ZNF385B: variants seen among roughly 807,000 people sequenced by gnomAD.
The protein encoded by ZNF385B is zinc finger protein 385B.
A neutral mutation model predicts 39.2 loss-of-function variants in ZNF385B; 23 were observed. The ratio of observed to expected loss-of-function variants is 0.59; its 90% CI spans 0.42 to 0.83. The LOEUF (loss-of-function observed/expected upper bound fraction) is 0.83. Among genes scored for constraint, ZNF385B ranks in the 40% least tolerant of loss-of-function variants. The pLI is 0.00. For missense variants in ZNF385B, 552 were observed against 598.9 expected (o/e 0.92, Z 0.82); for synonymous variants, 205 against 222.6 (o/e 0.92, Z 0.70).
At position 179,483,425 on chromosome 2, in the gene ZNF385B, C is replaced by T. The variant is rs747535047; in HGVS notation, c.562G>A (p.Glu188Lys). Residue 188 changes from glutamate (E) to lysine (K), a missense_variant, in exon 6 of 10, where the codon GAG (glutamate) becomes AAG (lysine). Physicochemically the swap from Glu to Lys is moderately conservative, Grantham distance 56. Transcript: ENST00000410066. ...TGTTTACTTCCTTTGTAGTGGGCCT[C>T]GGCCTGGCTCTACAAAGGAGAACAA... is the stretch of plus-strand genomic sequence containing the variant. ...QLRFNSDSQA[E>K]AHYKGSKHAK... is the part of the protein sequence containing the mutation. 1.1e-5 allele frequency: 17 copies of T among 1,613,882 alleles called. No homozygotes were observed. Among genetic ancestry groups the T allele is most frequent in the Admixed American group, 3.3e-5 (2 of 60,002 alleles).
chr2:179,448,188 T>C (rs996147821), intron 6 of ZNF385B, among the ~76,000 whole-genome samples: 1 of 152,120 alleles, frequency 6.6e-6, no homozygotes, highest in Non-Finnish European at 1.5e-5. Flanking sequence ...CTTAGACTTT[T>C]ATTAAACTGA....
intron 3 of ZNF385B, among the ~76,000 whole-genome samples, chr2:179,683,529 G>A (rs2106329309): frequency 6.6e-6 from 1 of 151,152 alleles, no homozygotes; most frequent in South Asian, 2.1e-4. Context: ...AGGCTGGAGT[G>A]CAATGGCGCA....
At chr2:179,702,637 A>G (rs1699295024) in intron 3 of ZNF385B, among the ~76,000 whole-genome samples, 1 of 152,244 alleles carries the variant, frequency 6.6e-6, no homozygotes, top group African/African-American at 2.4e-5. Context: ...CCTGTAAGAT[A>G]CACATAGCCA....
rs531411053 is a variant in ZNF385B at position 179,669,080 on chromosome 2, T to A, written c.298+100423A>T. Among the ~76,000 whole-genome samples, 13 of 152,344 alleles carry A rather than the reference T, an allele frequency of 8.5e-5. 2 individuals are homozygous for A. Among genetic ancestry groups the A allele is most frequent in the African/African-American group, 2.2e-4 (9 of 41,578 alleles). On this transcript the variant is annotated intron_variant, in intron 3 of 9. Coordinates refer to ENST00000410066, the MANE Select transcript of ZNF385B (RefSeq NM_152520.6). ...GCATATTTATATTTAGTTGTACTAC[T>A]GTCAAAAAATACTTGAGTGTCAGAA...
At chr2:179,490,316 A>ACAC (rs2055074758) in intron 5 of ZNF385B, among the ~76,000 whole-genome samples, 4 of 149,986 alleles carry the variant, frequency 2.7e-5, no homozygotes, top group African/African-American at 9.8e-5. Context: ...TACACACACA[A>ACAC]ACACACACAC....
intron 3 of ZNF385B, among the ~76,000 whole-genome samples, chr2:179,712,611 G>C (rs1700075992): frequency 6.6e-6 from 1 of 152,122 alleles, no homozygotes. Flanking sequence ...ATTGCTCAGA[G>C]TGAAATCTCA....
At chr2:179,646,449 C>A (rs1312946963) in intron 3 of ZNF385B, among the ~76,000 whole-genome samples, 3 of 152,164 alleles carry the variant, frequency 2.0e-5, no homozygotes, top group Non-Finnish European at 4.4e-5. Context: ...AAACCCTGAA[C>A]CTGATGTCAT....
intron 3 of ZNF385B, among the ~76,000 whole-genome samples, chr2:179,658,237 G>A (rs1694024743): frequency 6.6e-6 from 1 of 152,150 alleles, no homozygotes; most frequent in Admixed American, 6.5e-5. Flanking sequence ...CACAAGCGTA[G>A]GTGCTCTTTC....
At chr2:179,802,531 C>T (rs745452159) in intron 1 of ZNF385B, 5 of 152,116 alleles carry the variant, frequency 3.3e-5, no homozygotes, top group Non-Finnish European at 5.9e-5. Flanking sequence ...ATGAAACCAA[C>T]CTTAAAACAG....
chr2:179,772,467 C>T (rs1427877313), intron 1 of ZNF385B, among the ~76,000 whole-genome samples: 1 of 152,152 alleles, frequency 6.6e-6, no homozygotes, highest in East Asian at 1.9e-4. Flanking sequence ...TTCCCTCTTT[C>T]TCAGGGGAAA....
intron 3 of ZNF385B, among the ~76,000 whole-genome samples, chr2:179,665,746 G>A (rs1575143023): frequency 6.6e-6 from 1 of 151,968 alleles, no homozygotes; most frequent in South Asian, 2.1e-4. Context: ...ACGCAATGTA[G>A]GTTTTCCTAA....
intron 3 of ZNF385B, among the ~76,000 whole-genome samples, chr2:179,588,885 C>A (rs1286764478): frequency 6.6e-6 from 1 of 152,074 alleles, no homozygotes; most frequent in Non-Finnish European, 1.5e-5. Context: ...GCAAATGTCA[C>A]AAAAAACAAG....
chr2:179,647,906 A>C (rs1432368493), intron 3 of ZNF385B, among the ~76,000 whole-genome samples: 1 of 152,180 alleles, frequency 6.6e-6, no homozygotes, highest in Non-Finnish European at 1.5e-5. Context: ...ATTCCTTTCT[A>C]AAGTTATTAG....
At chr2:179,669,861 A>G (rs1425679137) in intron 3 of ZNF385B, among the ~76,000 whole-genome samples, 1 of 152,196 alleles carries the variant, frequency 6.6e-6, no homozygotes, top group Non-Finnish European at 1.5e-5. Flanking sequence ...AACCCTCTAT[A>G]TAATACAGAG....
At chr2:179,569,003 A>G (rs1684909705) in intron 3 of ZNF385B, among the ~76,000 whole-genome samples, 2 of 152,208 alleles carry the variant, frequency 1.3e-5, no homozygotes, top group Admixed American at 1.3e-4. Context: ...CATAACATTT[A>G]TTATGCACCA....
At chr2:179,509,097 C>T (rs2057467534) in intron 5 of ZNF385B, among the ~76,000 whole-genome samples, 1 of 152,062 alleles carries the variant, frequency 6.6e-6, no homozygotes, top group African/African-American at 2.4e-5. Context: ...CAGGCACCCA[C>T]CACTACGCCA....
At chr2:179,597,501 T>C (rs1468330619) in intron 3 of ZNF385B, among the ~76,000 whole-genome samples, 2 of 152,242 alleles carry the variant, frequency 1.3e-5, no homozygotes, top group Non-Finnish European at 2.9e-5. Context: ...ACAAAGTTAA[T>C]CTGTATCCTT....
At chr2:179,537,740 CA>C (rs2059665214) in intron 4 of ZNF385B, among the ~76,000 whole-genome samples, 1 of 118,476 alleles carries the variant, frequency 8.4e-6, no homozygotes, top group South Asian at 2.8e-4. Context: ...GACTCTGTCT[CA>C]AAAACAAACA....
chr2:179,526,648 AGG>A (rs1050474523), intron 4 of ZNF385B, among the ~76,000 whole-genome samples: 1 of 152,176 alleles, frequency 6.6e-6, no homozygotes, highest in Non-Finnish European at 1.5e-5. Context: ...AACATTACAC[AGG>A]GAGTGCATGC....
Sources: gnomAD v4.1 joint callset for allele counts (sites outside exome capture counted in the v4.1 genomes callset) on GRCh38, gnomAD v4.1.1 for gene constraint, MANE v1.5 for transcripts, NCBI Gene and HGNC (gene_info 2026-07-23, HGNC 2026-07-21) for gene names.